Variants in ACSS3 observed in about 807,000 individuals in gnomAD.
ACSS3 encodes the protein acyl-CoA synthetase short-chain family member 3, mitochondrial.
ACSS3 carries 64 observed loss-of-function variants against 84.2 expected under a neutral mutation model. The observed-to-expected ratio is 0.76, with a 90% CI of 0.62 to 0.94. ACSS3 has a LOEUF of 0.94. ACSS3 is among the 40% of genes least tolerant of loss of function. The pLI is 0.00. For missense variants in ACSS3, 815 were observed against 867.6 expected (o/e 0.94, Z 0.76); for synonymous variants, 317 against 310.1 (o/e 1.02, Z -0.23).
rs2031993040 is a variant in ACSS3 at position 81,199,339 on chromosome 12, A to T, written c.1251-2A>T. 1 of 1,606,268 alleles carries T rather than the reference A, an allele frequency of 6.2e-7. No homozygotes were observed. The highest frequency in any genetic ancestry group is 1.3e-5 in the African/African-American group (1 of 74,518). On this transcript the variant is annotated splice_acceptor_variant, in intron 8 of 15. Transcript: ENST00000548058. LOFTEE classifies it high-confidence loss of function. The stretch of plus-strand genomic sequence containing the variant: ...AATTTGAATTCACTGTCTCATATTC[A>T]GGTTCAAAACATTATTTGTGGCTGG...
chr12:81,214,720 C>G (rs1440797718), intron 9 of ACSS3, among the ~76,000 whole-genome samples: 7 of 152,134 alleles, frequency 4.6e-5, no homozygotes, highest in South Asian at 2.1e-4. Context: ...TCCTACATCC[C>G]CCTTCTCCCA....
At chr12:81,117,647 TGG>T (rs1884161067) in intron 2 of ACSS3, among the ~76,000 whole-genome samples, 1 of 152,120 alleles carries the variant, frequency 6.6e-6, no homozygotes. Flanking sequence ...TTGCAGGCCA[TGG>T]TCAAGACTGT....
chr12:81,214,434 A>C (rs1163109392), intron 9 of ACSS3, among the ~76,000 whole-genome samples: 1 of 152,248 alleles, frequency 6.6e-6, no homozygotes, highest in Non-Finnish European at 1.5e-5. Flanking sequence ...TACTTTAGGC[A>C]ACCTGAATGA....
At chr12:81,209,840 A>G (rs1405904251) in intron 9 of ACSS3, among the ~76,000 whole-genome samples, 1 of 152,160 alleles carries the variant, frequency 6.6e-6, no homozygotes, top group Non-Finnish European at 1.5e-5. Context: ...TAGACCATAT[A>G]GGGTAACTTC....
At chr12:81,107,109 G>T (rs1883076888) in intron 1 of ACSS3, among the ~76,000 whole-genome samples, 1 of 152,038 alleles carries the variant, frequency 6.6e-6, no homozygotes, top group Non-Finnish European at 1.5e-5. Flanking sequence ...AGAAAAGAAG[G>T]TTAGGGCTGG....
At chr12:81,082,511 A>C (rs1296504238) in intron 1 of ACSS3, among the ~76,000 whole-genome samples, 2 of 152,182 alleles carry the variant, frequency 1.3e-5, no homozygotes, top group Non-Finnish European at 2.9e-5. Context: ...CAGGGAAAGA[A>C]AATAGCATAT....
At chr12:81,186,061 A>G (rs940688794) in intron 8 of ACSS3, among the ~76,000 whole-genome samples, 1 of 151,712 alleles carries the variant, frequency 6.6e-6, no homozygotes, top group Non-Finnish European at 1.5e-5. Context: ...ATCCAAACGT[A>G]TATGGTCAAC....
chr12:81,231,885 C>T (rs938537887), intron 12 of ACSS3, among the ~76,000 whole-genome samples: 1 of 148,180 alleles, frequency 6.7e-6, no homozygotes, highest in Non-Finnish European at 1.5e-5. Context: ...CACCGCCTAA[C>T]CCCAACAGGG....
intron 2 of ACSS3, among the ~76,000 whole-genome samples, chr12:81,122,037 A>G (rs1391992572): frequency 6.6e-6 from 1 of 151,568 alleles, no homozygotes; most frequent in Non-Finnish European, 1.5e-5. Flanking sequence ...GGTTCAGGCA[A>G]TTCTCCTGCC....
intron 8 of ACSS3, among the ~76,000 whole-genome samples, chr12:81,178,041 G>A (rs957996200): frequency 5.8e-4 from 88 of 152,228 alleles, no homozygotes; most frequent in African/African-American, 1.7e-3. Context: ...ACTATTCACA[G>A]TAGCAAAGAC....
chr12:81,084,677 A>C (rs543179242), intron 1 of ACSS3, among the ~76,000 whole-genome samples: 1 of 152,192 alleles, frequency 6.6e-6, no homozygotes, highest in Non-Finnish European at 1.5e-5. Flanking sequence ...GGAGAAAAAA[A>C]AACTATGGAA....
At chr12:81,246,116 G>A (rs1303583319) in intron 13 of ACSS3, among the ~76,000 whole-genome samples, 1 of 152,180 alleles carries the variant, frequency 6.6e-6, no homozygotes, top group African/African-American at 2.4e-5. Context: ...CAGAGAGCAA[G>A]TGGCACTGAT....
At chr12:81,102,166 T>C (rs1262034420) in intron 1 of ACSS3, among the ~76,000 whole-genome samples, 1 of 152,082 alleles carries the variant, frequency 6.6e-6, no homozygotes, top group East Asian at 1.9e-4. Flanking sequence ...TGAAGTACAT[T>C]TCAGAATCTG....
At chr12:81,125,041 T>C (rs769386653) in intron 2 of ACSS3, among the ~76,000 whole-genome samples, 1 of 152,068 alleles carries the variant, frequency 6.6e-6, no homozygotes, top group Non-Finnish European at 1.5e-5. Context: ...GGTGAAACCC[T>C]GTCTCTACTA....
At chr12:81,248,857 A>G (rs923757148) in intron 13 of ACSS3, among the ~76,000 whole-genome samples, 1 of 152,118 alleles carries the variant, frequency 6.6e-6, no homozygotes, top group African/African-American at 2.4e-5. Context: ...ATAAATTTAT[A>G]AAAAGAATTT....
chr12:81,105,371 A>G (rs1401667991), intron 1 of ACSS3, among the ~76,000 whole-genome samples: 1 of 152,252 alleles, frequency 6.6e-6, no homozygotes, highest in Non-Finnish European at 1.5e-5. Flanking sequence ...GAATGGGCTC[A>G]ACAGCAGAAT....
At chr12:81,176,064 G>C (rs140739482) in intron 8 of ACSS3, among the ~76,000 whole-genome samples, 1 of 152,034 alleles carries the variant, frequency 6.6e-6, no homozygotes, top group Non-Finnish European at 1.5e-5. Flanking sequence ...AAAACCAAAA[G>C]TTGAGTTTTT....
At chr12:81,125,137 C>A (rs1009052784) in intron 2 of ACSS3, among the ~76,000 whole-genome samples, 3 of 152,268 alleles carry the variant, frequency 2.0e-5, no homozygotes, top group Middle Eastern at 6.8e-3. Context: ...TGGCGTGAAT[C>A]CGGGAGGCGG....
chr12:81,259,757 A>G lies in ACSS3; in HGVS notation c.*4835A>G. 1 of 1,009,748 alleles carries G rather than the reference A, an allele frequency of 9.9e-7. No individual in the cohort carries two copies. The highest frequency in any genetic ancestry group is 1.5e-6 in the Non-Finnish European group (1 of 684,024). 62.5% of individuals were successfully genotyped at this position (1,009,748 alleles called of 1,614,324 possible). A position where few individuals can be genotyped will look rare whatever the true frequency, so the allele number is the denominator to read the frequency against. On this transcript the variant is annotated 3_prime_UTR_variant, in exon 16 of 16. Transcript: ENST00000548058. ...TGGTGTACCTCCACGCAGCCTGCTT[A>G]CTCCTGTCCTAGAAGATCATGAGAA...
Sources: gnomAD v4.1 joint callset for allele counts (sites outside exome capture counted in the v4.1 genomes callset) on GRCh38, gnomAD v4.1.1 for gene constraint, MANE v1.5 for transcripts, NCBI Gene and HGNC (gene_info 2026-07-23, HGNC 2026-07-21) for gene names.